The following MYO10 variants were observed in gnomAD, a reference collection of about 807,000 sequenced individuals.
The protein encoded by MYO10 is myosin X.
Under a neutral mutation model 257.3 loss-of-function variants are expected in MYO10, and 133 were observed. The ratio of observed to expected loss-of-function variants is 0.52; its 90% CI spans 0.45 to 0.60. The LOEUF is 0.60. Among genes scored for constraint, MYO10 ranks in the 20% least tolerant of loss-of-function variants. The probability of loss-of-function intolerance (pLI) is 0.00; values close to 1 mark genes in which losing one functional copy is unlikely to be tolerated. For missense variants in MYO10, 2,399 were observed against 2,635.7 expected (o/e 0.91, Z 1.97); for synonymous variants, 1,104 against 1,028.6 (o/e 1.07, Z -1.40).
intron 1 of MYO10, among the ~76,000 whole-genome samples, chr5:16,907,111 C>T (rs185133853): frequency 6.6e-6 from 1 of 151,786 alleles, no homozygotes; most frequent in East Asian, 1.9e-4. Context: ...GAGACTCCAT[C>T]TCAAAAAAAA....
chr5:16,674,926 T>C lies in MYO10; in HGVS notation c.4891A>G (p.Ile1631Val). The C allele has an allele frequency of 6.2e-7, 1 of 1,614,006 alleles. No homozygotes were observed. The highest frequency in any genetic ancestry group is 2.2e-5 in the East Asian group (1 of 44,882). Residue 1631 changes from isoleucine to valine, a missense_variant, in exon 35 of 41, where the codon ATC becomes GTC. Physicochemically the swap from Ile to Val is conservative, Grantham distance 29. This residue lies in a region of MYO10 where 1,820 missense variants were observed against 1,939.4 expected (regional missense o/e 0.94). Transcript: ENST00000513610. ...GSVGNLYSWQ[I>V]LTCLSCTFLP... ...AAGGTGCAGCTCAGGCATGTCAGGATCTGCCAGCTGTACAGGTTGCCCACA... is the reference window on the plus strand; with the variant it reads ...AAGGTGCAGCTCAGGCATGTCAGGACCTGCCAGCTGTACAGGTTGCCCACA...
intron 1 of MYO10, among the ~76,000 whole-genome samples, chr5:16,900,092 G>A (rs1045556640): frequency 1.3e-5 from 2 of 150,528 alleles, no homozygotes; most frequent in Non-Finnish European, 3.0e-5. Flanking sequence ...AGAGAAGGAG[G>A]AAAAACACAT....
At position 16,665,108 on chromosome 5, in the gene MYO10, CAGG is replaced by C. The variant is rs2126439920; in HGVS notation, c.*1581_*1583del. On this transcript the variant is annotated 3_prime_UTR_variant, in exon 41 of 41. Transcript: ENST00000513610. ...CTCCCAACTCCTTGGGAGGCTGAGGCAGGAGAATCGCTAGAACCCAGGAGGCAG... is the reference window on the plus strand; with the variant it reads ...CTCCCAACTCCTTGGGAGGCTGAGGCAGAATCGCTAGAACCCAGGAGGCAG... 6.6e-6 allele frequency: 1 copy of C among 151,584 alleles called. No individual in the cohort carries two copies. Among genetic ancestry groups the C allele is most frequent in the South Asian group, 2.1e-4 (1 of 4,760 alleles). The allele number at this position is 151,584 out of a possible 1,614,324, so 9.4% of individuals were successfully genotyped here.
chr5:16,915,013 G>C (rs977461671), intron 1 of MYO10, among the ~76,000 whole-genome samples: 6 of 152,144 alleles, frequency 3.9e-5, no homozygotes, highest in African/African-American at 7.2e-5. Context: ...AAAGAAAAAG[G>C]CTCTGGATTC....
rs180993797 is a variant in MYO10 at position 16,744,335 on chromosome 5, T to C, written c.1929+10493A>G. Among the ~76,000 whole-genome samples, 173 of 152,270 alleles carry C rather than the reference T, an allele frequency of 1.1e-3. 2 individuals are homozygous for C. Among genetic ancestry groups the C allele is most frequent in the Non-Finnish European group, 9.3e-4 (63 of 68,026 alleles). ...AACCACCCTCCCTCAGTAGGTACTGTCAATACACACACGTTAAACACAGGG... is the reference window on the plus strand; with the variant it reads ...AACCACCCTCCCTCAGTAGGTACTGCCAATACACACACGTTAAACACAGGG... On this transcript the variant is annotated intron_variant, in intron 19 of 40. Coordinates refer to ENST00000513610, the MANE Select transcript of MYO10 (RefSeq NM_012334.3).
intron 19 of MYO10, among the ~76,000 whole-genome samples, chr5:16,723,479 C>G (rs1031182920): frequency 3.9e-5 from 6 of 152,248 alleles, no homozygotes; most frequent in African/African-American, 1.4e-4. Context: ...ATATCAAATG[C>G]TAGCAAAAAT....
At chr5:16,844,239 T>C (rs975973732) in intron 2 of MYO10, among the ~76,000 whole-genome samples, 3 of 152,248 alleles carry the variant, frequency 2.0e-5, no homozygotes, top group Admixed American at 2.0e-4. Context: ...CTCCTTTTTT[T>C]TCTTTGAATA....
intron 19 of MYO10, among the ~76,000 whole-genome samples, chr5:16,720,447 TTTA>T (rs1739109341): frequency 2.6e-5 from 4 of 150,980 alleles, no homozygotes; most frequent in African/African-American, 9.9e-5. Flanking sequence ...TTTTATTTAT[TTTA>T]TTTTATTTTA....
chr5:16,802,635 G>GGAC (rs1047673886), intron 3 of MYO10, among the ~76,000 whole-genome samples: 3 of 145,640 alleles, frequency 2.1e-5, no homozygotes, highest in African/African-American at 5.0e-5. Flanking sequence ...CCAGCCTGGG[G>GGAC]GACAGAGCGA....
chr5:16,729,512 C>A (rs1304718432), intron 19 of MYO10, among the ~76,000 whole-genome samples: 1 of 148,894 alleles, frequency 6.7e-6, no homozygotes, highest in African/African-American at 2.5e-5. Flanking sequence ...AGTGCAGTGG[C>A]GCGATCTTGG....
chr5:16,832,296 A>T (rs1743185204), intron 2 of MYO10, among the ~76,000 whole-genome samples: 2 of 152,212 alleles, frequency 1.3e-5, no homozygotes, highest in Admixed American at 6.5e-5. Flanking sequence ...TAAAGCTTGT[A>T]TACATTTCTA....
intron 3 of MYO10, among the ~76,000 whole-genome samples, chr5:16,801,977 C>A (rs914494497): frequency 6.6e-6 from 1 of 152,152 alleles, no homozygotes; most frequent in African/African-American, 2.4e-5. Flanking sequence ...ACCCTTGCTA[C>A]AACATGGATG....
chr5:16,721,534 T>C (rs1049064920), intron 19 of MYO10, among the ~76,000 whole-genome samples: 1 of 152,146 alleles, frequency 6.6e-6, no homozygotes, highest in African/African-American at 2.4e-5. Context: ...CAGAAACTAA[T>C]TTCCCCTAGA....
At chr5:16,743,574 C>T (rs948979807) in intron 19 of MYO10, among the ~76,000 whole-genome samples, 1 of 151,656 alleles carries the variant, frequency 6.6e-6, no homozygotes, top group Non-Finnish European at 1.5e-5. Context: ...ACTCGGGAGG[C>T]AGTGGTTGCA....
chr5:16,920,625 TCA>T (rs1211393308), intron 1 of MYO10, among the ~76,000 whole-genome samples: 3 of 152,202 alleles, frequency 2.0e-5, no homozygotes, highest in Admixed American at 6.5e-5. Context: ...CTGTTCAGAA[TCA>T]CACACACATA....
chr5:16,741,596 T>C (rs1740020108), intron 19 of MYO10, among the ~76,000 whole-genome samples: 1 of 152,340 alleles, frequency 6.6e-6, no homozygotes, highest in South Asian at 2.1e-4. Context: ...GATCAGTGAA[T>C]TGTGTCCTTC....
rs1736013146 is a variant in MYO10, at chr5:16,662,316, A to ATTTTTTTTTTTCTTTTTTTTTTTT, written c.*4375_*4376insAAAAAAAAAAAAGAAAAAAAAAAA. 1 of 75,816 alleles carries ATTTTTTTTTTTCTTTTTTTTTTTT rather than the reference A, an allele frequency of 1.3e-5. No homozygotes were observed. The highest frequency in any genetic ancestry group is 2.4e-5 in the Non-Finnish European group (1 of 42,540). 4.7% of individuals were successfully genotyped at this position (75,816 alleles called of 1,614,324 possible). ...AAGTGCTGTCTTAGATTTCTGAACT[A>ATTTTTTTTTTTCTTTTTTTTTTTT]TTTTTTTTTTTTTTTTTTTTTTTTG... On this transcript the variant is annotated 3_prime_UTR_variant, in exon 41 of 41. Transcript: ENST00000513610.
chr5:16,914,708 A>T (rs1387719252), intron 1 of MYO10, among the ~76,000 whole-genome samples: 1 of 152,184 alleles, frequency 6.6e-6, no homozygotes, highest in Non-Finnish European at 1.5e-5. Flanking sequence ...ATCGTATCGC[A>T]CTAGAAAAAG....
At chr5:16,740,345 T>C (rs1739972352) in intron 19 of MYO10, among the ~76,000 whole-genome samples, 1 of 150,414 alleles carries the variant, frequency 6.6e-6, no homozygotes, top group Admixed American at 6.6e-5. Context: ...GGCTAATGCT[T>C]AGAGGGGAAA....
Sources: gnomAD v4.1 joint callset for allele counts (sites outside exome capture counted in the v4.1 genomes callset) on GRCh38, gnomAD v4.1.1 for gene constraint, gnomAD v4.1.1 regional missense constraint, MANE v1.5 for transcripts, NCBI Gene and HGNC (gene_info 2026-07-23, HGNC 2026-07-21) for gene names.